FBXL17: variants seen among roughly 807,000 people sequenced by gnomAD.
FBXL17 encodes F-box and leucine rich repeat protein 17.
In FBXL17, 22 loss-of-function variants were observed where a neutral mutation model predicts 66.2. The observed-to-expected ratio is 0.33, with a 90% CI of 0.24 to 0.47. The LOEUF is 0.47. Among genes scored for constraint, FBXL17 ranks in the 20% least tolerant of loss-of-function variants. FBXL17 has a pLI of 1.00. For missense variants in FBXL17, 878 were observed against 948.2 expected (o/e 0.93, Z 0.97); for synonymous variants, 474 against 400.5 (o/e 1.18, Z -2.19).
At chr5:108,335,457 A>C (rs1760335407) in intron 4 of FBXL17, among the ~76,000 whole-genome samples, 1 of 152,124 alleles carries the variant, frequency 6.6e-6, no homozygotes, top group Admixed American at 6.5e-5. Context: ...TAATGCATAC[A>C]AACAAATAAC....
chr5:108,299,478 C>G, intron 4 of FBXL17: 5 of 935,054 alleles, frequency 5.3e-6, no homozygotes, highest in Non-Finnish European at 6.4e-6. Context: ...AAATCACAAT[C>G]TAAAAGTTAT....
At chr5:107,916,025 T>C (rs1237454760) in intron 7 of FBXL17, among the ~76,000 whole-genome samples, 9 of 152,224 alleles carry the variant, frequency 5.9e-5, no homozygotes, top group Non-Finnish European at 1.5e-5. Context: ...CAATAGATTT[T>C]TCTTCTTCTG....
In FBXL17 at chr5:108,158,467, T is replaced by C. The variant is rs1752079475; in HGVS notation, c.1745+27650A>G. Among the ~76,000 whole-genome samples the C allele has an allele frequency of 2.6e-5, 4 of 151,784 alleles. 1 individual carries two copies. The highest frequency in any genetic ancestry group is 2.6e-4 in the Admixed American group (4 of 15,228). ...GATATCAAATTTCCACAAATAAAAC[T>C]ATAACTGTAAAGCAGTGACAGTGGG... On this transcript the variant is annotated intron_variant, in intron 6 of 8. Transcript: ENST00000542267.
chr5:108,327,428 T>A (rs1054165336), intron 4 of FBXL17, among the ~76,000 whole-genome samples: 1 of 152,168 alleles, frequency 6.6e-6, no homozygotes, highest in Non-Finnish European at 1.5e-5. Context: ...ACAGATTATA[T>A]GATGTAGTTC....
chr5:108,344,379 C>T (rs113407439), intron 4 of FBXL17, among the ~76,000 whole-genome samples: 2 of 152,250 alleles, frequency 1.3e-5, no homozygotes, highest in East Asian at 1.9e-4. Context: ...ATCAACTTTC[C>T]ATTTCCCTAT....
At chr5:108,022,281 A>T (rs1274059923) in intron 6 of FBXL17, among the ~76,000 whole-genome samples, 5 of 151,986 alleles carry the variant, frequency 3.3e-5, no homozygotes, top group African/African-American at 4.8e-5. Flanking sequence ...CAATGCAATT[A>T]TGATTGATAC....
chr5:107,947,009 G>A (rs1185884173), intron 7 of FBXL17, among the ~76,000 whole-genome samples: 1 of 151,874 alleles, frequency 6.6e-6, no homozygotes, highest in Non-Finnish European at 1.5e-5. Flanking sequence ...AATTAAAAAA[G>A]AAAGCCCTTG....
At chr5:108,122,036 T>C (rs765063136) in intron 6 of FBXL17, among the ~76,000 whole-genome samples, 3 of 152,138 alleles carry the variant, frequency 2.0e-5, no homozygotes, top group Non-Finnish European at 2.9e-5. Flanking sequence ...TTAATAAATA[T>C]TAAAAACATC....
At chr5:108,264,476 A>G (rs541327314) in intron 4 of FBXL17, among the ~76,000 whole-genome samples, 2 of 152,270 alleles carry the variant, frequency 1.3e-5, no homozygotes, top group South Asian at 4.1e-4. Flanking sequence ...TTTATAAATC[A>G]TTATATAAAG....
At position 108,381,636 on chromosome 5, in the gene FBXL17, C is replaced by T. The variant is rs1749953488; in HGVS notation, c.56G>A (p.Arg19His). ...PRNRPSQKRP[R>H]CCSWCRRRRP... ...CCGGCGGCGGCACCAACTGCAACAG[C>T]GAGGCCTCTTCTGGCTCGGGCGGTT... Residue 19 changes from arginine to histidine, a missense_variant, in exon 1 of 9, where the codon CGC (arginine) becomes CAC (histidine). By Grantham distance (29) the Arg-to-His change is conservative. Transcript: ENST00000542267. 4.7e-6 allele frequency: 7 copies of T among 1,490,024 alleles called. No individual in the cohort carries two copies. Among genetic ancestry groups the T allele is most frequent in the Non-Finnish European group, 5.3e-6 (6 of 1,124,358 alleles). 92.3% of individuals were successfully genotyped at this position (1,490,024 alleles called of 1,614,324 possible). A position where few individuals can be genotyped will look rare whatever the true frequency, so the allele number is the denominator to read the frequency against.
chr5:108,197,607 C>G (rs1010076279), intron 5 of FBXL17, among the ~76,000 whole-genome samples: 8 of 152,152 alleles, frequency 5.3e-5, no homozygotes, highest in Admixed American at 3.3e-4. Context: ...GCCAAGTGAC[C>G]TGTACACTGG....
intron 4 of FBXL17, among the ~76,000 whole-genome samples, chr5:108,306,429 T>C (rs749784133): frequency 6.6e-6 from 1 of 152,118 alleles, no homozygotes; most frequent in Non-Finnish European, 1.5e-5. Context: ...TTTGATGCCA[T>C]ACTACCCGGT....
chr5:108,059,169 T>C (rs571287378), intron 6 of FBXL17, among the ~76,000 whole-genome samples: 1 of 152,356 alleles, frequency 6.6e-6, no homozygotes, highest in Admixed American at 6.5e-5. Flanking sequence ...GAAAATAATC[T>C]GAGTATGGAC....
In FBXL17 at chr5:108,270,529, G is replaced by C. The variant is rs1407149039; in HGVS notation, c.1507-46301C>G. 8.7e-5 allele frequency among the ~76,000 whole-genome samples: 13 copies of C among 148,964 alleles called. No homozygotes were observed. The East Asian group carries it at 2.1e-3, about 25-fold the overall frequency. ...TGTAATGAAAAGGAGGTGACTCTTA[G>C]GTTAATAAAAAAAAAAAACATGTTC... On this transcript the variant is annotated intron_variant, in intron 4 of 8. Coordinates refer to ENST00000542267, the MANE Select transcript of FBXL17 (RefSeq NM_001163315.3).
At chr5:108,043,307 G>A (rs999523989) in intron 6 of FBXL17, among the ~76,000 whole-genome samples, 7 of 152,016 alleles carry the variant, frequency 4.6e-5, no homozygotes, top group Non-Finnish European at 1.0e-4. Flanking sequence ...CCTAGCCCTA[G>A]ACCCTGAAGG....
At position 108,072,558 on chromosome 5, in the gene FBXL17, A is replaced by C. The variant is rs535848037; in HGVS notation, c.1746-51557T>G. On this transcript the variant is annotated intron_variant, in intron 6 of 8. Coordinates refer to ENST00000542267, the MANE Select transcript of FBXL17 (RefSeq NM_001163315.3). Reference sequence around the variant, plus strand: ...CTCTACTAAAAATATTTTTAAAAAAATTAGCCGGGCGTGGTGGCGGGTGCC... The same window carrying C: ...CTCTACTAAAAATATTTTTAAAAAACTTAGCCGGGCGTGGTGGCGGGTGCC... Among the ~76,000 whole-genome samples, 84 of 152,302 alleles carry C rather than the reference A, an allele frequency of 5.5e-4. 1 individual carries two copies. Among genetic ancestry groups the C allele is most frequent in the South Asian group, 3.1e-3 (15 of 4,820 alleles).
In FBXL17 at chr5:108,185,688, G is replaced by GA. The variant is rs1027417624; in HGVS notation, c.1745+428dup. Among the ~76,000 whole-genome samples, 15 of 150,502 alleles carry GA rather than the reference G, an allele frequency of 1.0e-4. No individual in the cohort carries two copies. In the East Asian group the frequency reaches 1.9e-3, roughly 19 times the overall value. ...GGAAACACTGTGAGACTCCATCTCT[G>GA]AAAAAAAAATGTCACCTTTAAGAAA... On this transcript the variant is annotated intron_variant, in intron 6 of 8. Coordinates refer to ENST00000542267, the MANE Select transcript of FBXL17 (RefSeq NM_001163315.3).
At chr5:108,034,060 A>G (rs1746746562) in intron 6 of FBXL17, among the ~76,000 whole-genome samples, 1 of 152,184 alleles carries the variant, frequency 6.6e-6, no homozygotes, top group East Asian at 1.9e-4. Flanking sequence ...GGCCCAGATA[A>G]CATTTCACAT....
rs75039714 is a variant in FBXL17 at position 108,228,919 on chromosome 5, T to C, written c.1507-4691A>G. ...TGCACACAAGAATCACCAAAGAAGA[T>C]TTCTAATTTAATTTGTTGGGTACAG... On this transcript the variant is annotated intron_variant, in intron 4 of 8. Transcript: ENST00000542267. Among the ~76,000 whole-genome samples, 72 of 152,280 alleles carry C rather than the reference T, an allele frequency of 4.7e-4. 1 individual carries two copies. In the East Asian group the frequency reaches 8.9e-3, roughly 19 times the overall value.
Sources: gnomAD v4.1 joint callset for allele counts (sites outside exome capture counted in the v4.1 genomes callset) on GRCh38, gnomAD v4.1.1 for gene constraint, MANE v1.5 for transcripts, NCBI Gene and HGNC (gene_info 2026-07-23, HGNC 2026-07-21) for gene names.